The following FOXK2 variants were observed in gnomAD, a reference collection of about 807,000 sequenced individuals.
FOXK2 encodes the protein forkhead box K2, also known as forkhead box protein K2.
Under a neutral mutation model 53.3 loss-of-function variants are expected in FOXK2, and 24 were observed. The ratio of observed to expected loss-of-function variants is 0.45; its 90% confidence interval spans 0.33 to 0.63. The LOEUF is 0.63. Among genes scored for constraint, FOXK2 ranks in the 30% least tolerant of loss-of-function variants. FOXK2 has a pLI of 0.03. For missense variants in FOXK2, 952 were observed against 910.5 expected (o/e 1.05, Z -0.59); for synonymous variants, 505 against 407.1 (o/e 1.24, Z -2.89).
At chr17:82,588,974 G>A (rs111530784) in intron 8 of FOXK2, among the ~76,000 whole-genome samples, 6,393 of 151,278 alleles carry the variant, frequency 0.042, 455 homozygotes, top group African/African-American at 0.15. Context: ...CAGGAGAATC[G>A]CTTGAACCCG....
Position 82,601,666 on chromosome 17 carries a change from A to T in FOXK2, c.*167A>T. The stretch of plus-strand genomic sequence containing the variant: ...AACACTCCTTAAAGACAGAAGTCAC[A>T]CTTGAACAAAACCCACACACAACAA... On this transcript the variant is annotated 3_prime_UTR_variant, in exon 9 of 9. Coordinates refer to ENST00000335255, the MANE Select transcript of FOXK2 (RefSeq NM_004514.4). The T allele has an allele frequency of 1.6e-6, 1 of 616,674 alleles. No homozygotes were observed. The highest frequency in any genetic ancestry group is 2.7e-6 in the Non-Finnish European group (1 of 364,190). 38.2% of individuals were successfully genotyped at this position (616,674 alleles called of 1,614,324 possible). A position where few individuals can be genotyped will look rare whatever the true frequency, so the allele number is the denominator to read the frequency against.
At chr17:82,575,789 A>G (rs2044975123) in intron 4 of FOXK2, among the ~76,000 whole-genome samples, 1 of 152,218 alleles carries the variant, frequency 6.6e-6, no homozygotes, top group African/African-American at 2.4e-5. Flanking sequence ...CAGGAACCCC[A>G]TTGAGGCTGA....
At chr17:82,568,240 A>C in intron 3 of FOXK2, 39 bp downstream of exon 3, 1 of 1,608,748 alleles carries the variant, frequency 6.2e-7, no homozygotes, top group Non-Finnish European at 8.5e-7. Context: ...CCTGGGGGAC[A>C]GTGTGTAGCC....
chr17:82,584,832 G>A (rs910290463), intron 6 of FOXK2, among the ~76,000 whole-genome samples: 3 of 152,194 alleles, frequency 2.0e-5, no homozygotes, highest in Non-Finnish European at 2.9e-5. Flanking sequence ...GCGTACAGGC[G>A]TGAGCCACCA....
At chr17:82,542,815 G>T (rs947412364) in intron 1 of FOXK2, among the ~76,000 whole-genome samples, 1 of 152,024 alleles carries the variant, frequency 6.6e-6, no homozygotes, top group Non-Finnish European at 1.5e-5. Context: ...ACAGGAGTTC[G>T]AGACCAGTCT....
At chr17:82,597,372 C>T (rs925214185) in intron 8 of FOXK2, among the ~76,000 whole-genome samples, 14 of 152,224 alleles carry the variant, frequency 9.2e-5, no homozygotes, top group Admixed American at 2.0e-4. Context: ...AGAGGGGTCG[C>T]CCTCTCTTGT....
At chr17:82,555,926 C>T (rs1357556678) in intron 1 of FOXK2, among the ~76,000 whole-genome samples, 6 of 133,790 alleles carry the variant, frequency 4.5e-5, no homozygotes, top group African/African-American at 1.6e-4. Context: ...AGAAATAGGT[C>T]ATGGTCAGCA....
intron 8 of FOXK2, among the ~76,000 whole-genome samples, chr17:82,594,707 C>T (rs754363346): frequency 3.9e-5 from 6 of 152,258 alleles, no homozygotes; most frequent in African/African-American, 7.2e-5. Context: ...CAGCGGAGCC[C>T]GTCTCTGTAG....
intron 1 of FOXK2, among the ~76,000 whole-genome samples, chr17:82,531,637 G>T (rs2044472718): frequency 6.6e-6 from 1 of 152,144 alleles, no homozygotes; most frequent in Admixed American, 6.6e-5. Context: ...CTGTAACATG[G>T]TGTTTGTGTA....
intron 1 of FOXK2, among the ~76,000 whole-genome samples, chr17:82,532,350 G>T (rs532845328): frequency 1.5e-4 from 23 of 149,730 alleles, no homozygotes; most frequent in African/African-American, 5.7e-4. Flanking sequence ...CACCATGTTG[G>T]CCAGGCTGGT....
At chr17:82,587,601 C>T in intron 8 of FOXK2, 1 of 391,290 alleles carries the variant, frequency 2.6e-6, no homozygotes, top group South Asian at 2.2e-5. Context: ...TTCCCTTGGC[C>T]TCGCGCGCCC....
rs1437102314 is a variant in FOXK2, at chr17:82,555,882, TCACAAAAAAAAAA to T, written c.420-7471_420-7459del. On this transcript the variant is annotated intron_variant, in intron 1 of 8. Transcript: ENST00000335255. Reference sequence around the variant, plus strand: ...CAGCCTGGGCGAAAGCAAGACTCTATCACAAAAAAAAAAAAAAAAAAAAAAAAAAAAAAAGAAA... The same window carrying T: ...CAGCCTGGGCGAAAGCAAGACTCTATAAAAAAAAAAAAAAAAAAAAAGAAA... Among the ~76,000 whole-genome samples the T allele has an allele frequency of 1.5e-3, 62 of 42,672 alleles. 1 individual carries two copies. Among genetic ancestry groups the T allele is most frequent in the African/African-American group, 5.7e-3 (61 of 10,668 alleles). The allele number at this position is 42,672 out of a possible 152,430, so 28.0% of individuals were successfully genotyped here.
chr17:82,579,067 C>T (rs1029149504), intron 4 of FOXK2, among the ~76,000 whole-genome samples: 5 of 150,406 alleles, frequency 3.3e-5, no homozygotes, highest in African/African-American at 1.2e-4. Flanking sequence ...TTTCTGAGTC[C>T]CCGCTTAGGA....
chr17:82,573,130 T>C (rs749773625), intron 4 of FOXK2, among the ~76,000 whole-genome samples: 1 of 151,938 alleles, frequency 6.6e-6, no homozygotes, highest in Non-Finnish European at 1.5e-5. Context: ...GAAGCAGAGG[T>C]TACAGATATC....
In FOXK2 at chr17:82,527,902, G is replaced by A. The variant is rs201154787; in HGVS notation, c.419+7595G>A. Among the ~76,000 whole-genome samples, 8 of 152,264 alleles carry A rather than the reference G, an allele frequency of 5.3e-5. No individual in the cohort carries two copies. In the East Asian group the frequency reaches 1.5e-3, roughly 29 times the overall value. On this transcript the variant is annotated intron_variant, in intron 1 of 8. Coordinates refer to ENST00000335255, the MANE Select transcript of FOXK2 (RefSeq NM_004514.4). ...TGCAGCCTTGAACTCCTGGACTCAAGCGATCTTCCCACCTCAGTCTCCCGT... is the reference window on the plus strand; with the variant it reads ...TGCAGCCTTGAACTCCTGGACTCAAACGATCTTCCCACCTCAGTCTCCCGT...
intron 4 of FOXK2, among the ~76,000 whole-genome samples, chr17:82,581,537 G>A (rs1263687556): frequency 6.7e-6 from 1 of 150,214 alleles, no homozygotes; most frequent in Non-Finnish European, 1.5e-5. Flanking sequence ...GTGCAGTGGC[G>A]CAATCTCGGC....
Position 82,521,826 on chromosome 17 carries a change from G to A in FOXK2, c.419+1519G>A, listed in dbSNP as rs187961319. On this transcript the variant is annotated intron_variant, in intron 1 of 8. Transcript: ENST00000335255. ...GCGGTGGCGGGCGCCTGTAGTCCCAGCTACTCAGGAGGCTGAGGCAGGAGA... is the reference window on the plus strand; with the variant it reads ...GCGGTGGCGGGCGCCTGTAGTCCCAACTACTCAGGAGGCTGAGGCAGGAGA... 2.0e-4 allele frequency among the ~76,000 whole-genome samples: 30 copies of A among 150,982 alleles called. No individual in the cohort carries two copies. The East Asian group carries it at 5.7e-3, about 29-fold the overall frequency.
chr17:82,534,474 GCTT>G (rs1468475339), intron 1 of FOXK2, among the ~76,000 whole-genome samples: 1 of 152,200 alleles, frequency 6.6e-6, no homozygotes, highest in African/African-American at 2.4e-5. Context: ...CTGCTCTTCT[GCTT>G]CTCCTGCAGA....
chr17:82,586,793 C>T (rs1475594669), intron 7 of FOXK2, among the ~76,000 whole-genome samples: 5 of 151,948 alleles, frequency 3.3e-5, no homozygotes, highest in East Asian at 1.9e-4. Flanking sequence ...CCCAGCTACT[C>T]GGGAGGCTGA....
Sources: allele counts gnomAD v4.1 joint callset (sites outside exome capture counted in the v4.1 genomes callset), GRCh38; gene constraint gnomAD v4.1.1; transcripts MANE v1.5; gene names NCBI Gene and HGNC (gene_info 2026-07-23, HGNC 2026-07-21).